PVT1: variants seen among roughly 807,000 people sequenced by gnomAD.
The protein encoded by PVT1 is Pvt1 oncogene, also known as CXCR4/PVT1 fusion.
intron 2 of PVT1, among the ~76,000 whole-genome samples, chr8:127,871,756 T>C (rs1349352842): frequency 1.3e-5 from 2 of 152,136 alleles, no homozygotes; most frequent in Non-Finnish European, 2.9e-5. Flanking sequence ...TTTTTTCTGA[T>C]TGTATTAGAA....
intron 4 of PVT1, among the ~76,000 whole-genome samples, chr8:128,045,029 T>C (rs1313331211): frequency 6.6e-6 from 1 of 152,246 alleles, no homozygotes; most frequent in Non-Finnish European, 1.5e-5. Flanking sequence ...GGCCAGTGGT[T>C]TGGGGACATG....
chr8:127,802,169 C>G (rs1400369253), intron 2 of PVT1, among the ~76,000 whole-genome samples: 1 of 152,142 alleles, frequency 6.6e-6, no homozygotes, highest in Non-Finnish European at 1.5e-5. Context: ...TCCCACTCAG[C>G]TTTCCAAAGT....
chr8:128,069,047 T>C (rs1340677039), intron 4 of PVT1, among the ~76,000 whole-genome samples: 1 of 152,242 alleles, frequency 6.6e-6, no homozygotes, highest in Admixed American at 6.5e-5. Flanking sequence ...AGGGTCCTTC[T>C]GTTTCACGGA....
intron 3 of PVT1, among the ~76,000 whole-genome samples, chr8:127,895,741 G>A (rs1586425933): frequency 2.0e-5 from 3 of 152,188 alleles, no homozygotes; most frequent in South Asian, 2.1e-4. Flanking sequence ...AGCACAACAT[G>A]CTAAGTAGGT....
chr8:127,916,378 G>A (rs962849979), intron 3 of PVT1, among the ~76,000 whole-genome samples: 1 of 152,200 alleles, frequency 6.6e-6, no homozygotes, highest in Non-Finnish European at 1.5e-5. Context: ...GCTGTGGCAT[G>A]TGGTTGGTGC....
At chr8:127,993,356 A>T (rs1161967135) in intron 4 of PVT1, among the ~76,000 whole-genome samples, 2 of 152,224 alleles carry the variant, frequency 1.3e-5, no homozygotes, top group African/African-American at 4.8e-5. Context: ...CTGAAAACGA[A>T]AGCATTTCTG....
At chr8:128,097,280 G>A (rs1245286394) in intron 6 of PVT1, among the ~76,000 whole-genome samples, 1 of 151,958 alleles carries the variant, frequency 6.6e-6, no homozygotes, top group Non-Finnish European at 1.5e-5. Flanking sequence ...AGAATCACTT[G>A]AACCTAGGAG....
At chr8:128,085,889 C>T (rs1315930941) in intron 5 of PVT1, among the ~76,000 whole-genome samples, 1 of 152,188 alleles carries the variant, frequency 6.6e-6, no homozygotes, top group African/African-American at 2.4e-5. Context: ...TAAGAGGAGA[C>T]ATTAAAGCAA....
At chr8:127,954,295 CTTT>C (rs11387135) in intron 3 of PVT1, among the ~76,000 whole-genome samples, 3 of 116,014 alleles carry the variant, frequency 2.6e-5, no homozygotes, top group East Asian at 2.4e-4. Context: ...CAAGTACCCA[CTTT>C]TTTTTTTTTT....
At chr8:128,031,410 T>C (rs913967225) in intron 4 of PVT1, among the ~76,000 whole-genome samples, 2 of 152,160 alleles carry the variant, frequency 1.3e-5, no homozygotes, top group Non-Finnish European at 2.9e-5. Context: ...TTCCTGATCA[T>C]AGGTATGGGG....
intron 4 of PVT1, among the ~76,000 whole-genome samples, chr8:127,993,148 C>T (rs1192376070): frequency 9.2e-5 from 14 of 152,208 alleles, no homozygotes; most frequent in Admixed American, 8.5e-4. Flanking sequence ...GTAATAAAGA[C>T]AGAGTTCAAT....
chr8:128,064,285 G>C (rs938107692), intron 4 of PVT1, among the ~76,000 whole-genome samples: 7 of 152,220 alleles, frequency 4.6e-5, no homozygotes, highest in Non-Finnish European at 1.0e-4. Flanking sequence ...GCTCAGCAGA[G>C]AGCGATTCAT....
intron 3 of PVT1, among the ~76,000 whole-genome samples, chr8:127,911,361 G>A (rs1156444096): frequency 6.6e-6 from 1 of 152,240 alleles, no homozygotes; most frequent in Non-Finnish European, 1.5e-5. Context: ...GAGTGCTCCT[G>A]TGTGCAGTTG....
intron 2 of PVT1, among the ~76,000 whole-genome samples, chr8:127,804,266 C>T (rs2129648192): frequency 6.6e-6 from 1 of 152,224 alleles, no homozygotes; most frequent in African/African-American, 2.4e-5. Flanking sequence ...TTGGTAAATT[C>T]ATAAAAAATA....
At chr8:128,038,117 G>A (rs935133717) in intron 4 of PVT1, among the ~76,000 whole-genome samples, 2 of 152,204 alleles carry the variant, frequency 1.3e-5, no homozygotes, top group African/African-American at 4.8e-5. Flanking sequence ...TATTGGAAAG[G>A]AAGGTGAAAT....
At position 127,964,057 on chromosome 8, in the gene PVT1, C is replaced by T. The variant is rs530035691; in HGVS notation, n.783-25105C>T. On this transcript the variant is annotated intron_variant and non_coding_transcript_variant, in intron 3 of 10. Transcript: ENST00000651587. The stretch of plus-strand genomic sequence containing the variant: ...GAGATCCCCACAGGGACTGCGAAGG[C>T]TTATTGCAGATGAAGGAGTGCCATG... Among the ~76,000 whole-genome samples, 6 of 152,350 alleles carry T rather than the reference C, an allele frequency of 3.9e-5. No individual in the cohort carries two copies. In the South Asian group the frequency reaches 1.2e-3, roughly 32 times the overall value.
intron 2 of PVT1, among the ~76,000 whole-genome samples, chr8:127,877,276 A>G (rs1413428739): frequency 6.6e-6 from 1 of 152,230 alleles, no homozygotes; most frequent in Non-Finnish European, 1.5e-5. Flanking sequence ...CAGCCACACA[A>G]ACTGGGCAAG....
rs113364363 is a variant in PVT1, at chr8:127,857,207, C to T, written n.373-33382C>T. ...TGCCACTGTACTCCACCCTGGGATACGGAGCAGGACTCTGCCTAAAAAATA... is the reference window on the plus strand; with the variant it reads ...TGCCACTGTACTCCACCCTGGGATATGGAGCAGGACTCTGCCTAAAAAATA... On this transcript the variant is annotated intron_variant and non_coding_transcript_variant, in intron 2 of 10. Coordinates refer to ENST00000651587, the Ensembl canonical transcript of PVT1. Among the ~76,000 whole-genome samples, 1,022 of 152,192 alleles carry T rather than the reference C, an allele frequency of 6.7e-3. 13 individuals carry two copies. Among genetic ancestry groups the T allele is most frequent in the African/African-American group, 0.021 (867 of 41,516 alleles).
chr8:127,978,076 C>G (rs941483150), intron 3 of PVT1, among the ~76,000 whole-genome samples: 1 of 152,182 alleles, frequency 6.6e-6, no homozygotes, highest in African/African-American at 2.4e-5. Context: ...ATGCTTACTT[C>G]CACACTGTCA....
Sources: gnomAD v4.1 joint callset for allele counts (sites outside exome capture counted in the v4.1 genomes callset) on GRCh38, gnomAD v4.1.1 for gene constraint, MANE v1.5 for transcripts, NCBI Gene and HGNC (gene_info 2026-07-23, HGNC 2026-07-21) for gene names.